PIK3C2G: variants seen among roughly 807,000 people sequenced by gnomAD.
PIK3C2G encodes phosphatidylinositol-4-phosphate 3-kinase catalytic subunit type 2 gamma.
Under a neutral mutation model 181.1 loss-of-function variants are expected in PIK3C2G, and 168 were observed. The ratio of observed to expected loss-of-function variants is 0.93; its 90% confidence interval spans 0.82 to 1.05. The LOEUF (loss-of-function observed/expected upper bound fraction) is 1.05, where lower values mean the gene tolerates loss of function less well. Among genes scored for constraint, PIK3C2G ranks in the 50% least tolerant of loss-of-function variants. PIK3C2G has a pLI of 0.00. For missense variants in PIK3C2G, 1,869 were observed against 1,732.8 expected (o/e 1.08, Z -1.40); for synonymous variants, 573 against 592.2 (o/e 0.97, Z 0.47).
intron 32 of PIK3C2G, among the ~76,000 whole-genome samples, chr12:18,644,315 G>T (rs1354533094): frequency 6.6e-6 from 1 of 152,016 alleles, no homozygotes; most frequent in Non-Finnish European, 1.5e-5. Context: ...GGGATTCCGG[G>T]CTCCAAAGCC....
intron 5 of PIK3C2G, among the ~76,000 whole-genome samples, chr12:18,299,480 T>A (rs1950085178): frequency 6.6e-6 from 1 of 151,982 alleles, no homozygotes; most frequent in African/African-American, 2.4e-5. Context: ...GATCCTGTCA[T>A]CTGCAAAGAG....
chr12:18,660,352 A>T, the PIK3C2G span, among the ~76,000 whole-genome samples: 1 of 152,140 alleles, frequency 6.6e-6, no homozygotes, highest in East Asian at 1.9e-4. Context: ...AAAGGCAGAG[A>T]CACAGACAAA....
the PIK3C2G span, among the ~76,000 whole-genome samples, chr12:18,702,818 CTTTT>C: frequency 8.6e-6 from 1 of 116,590 alleles, no homozygotes; most frequent in African/African-American, 3.4e-5. Flanking sequence ...GATAAAGTAA[CTTTT>C]TTTTTTTTTT....
chr12:18,700,254 G>A, the PIK3C2G span, among the ~76,000 whole-genome samples: 442 of 151,670 alleles, frequency 2.9e-3, 2 homozygotes, highest in Middle Eastern at 0.01. Flanking sequence ...ATAATTTTAG[G>A]AATTTTTGTC....
intron 13 of PIK3C2G, among the ~76,000 whole-genome samples, chr12:18,373,534 C>T (rs1481738847): frequency 6.6e-6 from 1 of 152,084 alleles, no homozygotes; most frequent in East Asian, 1.9e-4. Context: ...TTCAAGCATG[C>T]AAACTTGTCT....
Position 18,297,508 on chromosome 12 carries a change from A to G in PIK3C2G, c.1034+3493A>G, listed in dbSNP as rs573677648. Among the ~76,000 whole-genome samples the G allele has an allele frequency of 9.2e-5, 14 of 152,194 alleles. No individual in the cohort carries two copies. The South Asian group carries it at 1.4e-3, about 16-fold the overall frequency. ...AGGATATTTAGAATATCCACCACCT[A>G]GAACATTTGTCATTTCTTTGTAGTA... On this transcript the variant is annotated intron_variant, in intron 5 of 32. Transcript: ENST00000538779.
At chr12:18,503,191 AG>A (rs762375986) in intron 22 of PIK3C2G, 89 bp from the exon 23 acceptor site, 702 of 866,600 alleles carry the variant, frequency 8.1e-4, no homozygotes, top group Non-Finnish European at 1.1e-3. Context: ...GTAATCCAGT[AG>A]TGCTGGAAGC....
chr12:18,625,668 A>G (rs550509710), intron 31 of PIK3C2G, among the ~76,000 whole-genome samples: 80 of 151,886 alleles, frequency 5.3e-4, no homozygotes, highest in African/African-American at 1.9e-3. Flanking sequence ...TCCCTTCAGA[A>G]ACTTTAATAT....
chr12:18,403,020 A>G (rs1944336849), intron 16 of PIK3C2G, among the ~76,000 whole-genome samples: 1 of 152,200 alleles, frequency 6.6e-6, no homozygotes, highest in Non-Finnish European at 1.5e-5. Flanking sequence ...CCAGGCATTC[A>G]TGAGAGCTTA....
chr12:18,319,381 A>C (rs559034998), intron 6 of PIK3C2G, among the ~76,000 whole-genome samples: 1 of 152,234 alleles, frequency 6.6e-6, no homozygotes, highest in African/African-American at 2.4e-5. Context: ...GTATGGCCTC[A>C]GCTTTAAGGA....
chr12:18,570,780 C>T (rs1182384996), intron 29 of PIK3C2G, among the ~76,000 whole-genome samples: 1 of 150,556 alleles, frequency 6.6e-6, no homozygotes. Context: ...TTATATCTAT[C>T]TGACCCATAG....
At chr12:18,507,167 C>T (rs1236462890) in intron 24 of PIK3C2G, among the ~76,000 whole-genome samples, 1 of 151,902 alleles carries the variant, frequency 6.6e-6, no homozygotes, top group Non-Finnish European at 1.5e-5. Flanking sequence ...GTAGCTGGGA[C>T]TACAGGAGTG....
chr12:18,529,077 T>C (rs1393909595), intron 24 of PIK3C2G, among the ~76,000 whole-genome samples: 2 of 146,874 alleles, frequency 1.4e-5, no homozygotes, highest in Non-Finnish European at 3.0e-5. Context: ...ATATTCCCAT[T>C]TCTCGATAAT....
the PIK3C2G span, among the ~76,000 whole-genome samples, chr12:18,722,158 G>C: frequency 6.6e-6 from 1 of 151,606 alleles, no homozygotes; most frequent in African/African-American, 2.4e-5. Flanking sequence ...TCTCAGAGAG[G>C]GTTCTTCTGA....
the PIK3C2G span, among the ~76,000 whole-genome samples, chr12:18,725,323 T>C: frequency 1.3e-5 from 2 of 152,028 alleles, no homozygotes; most frequent in Non-Finnish European, 2.9e-5. Flanking sequence ...AAGGTGCAAT[T>C]TGAGTGCTGA....
At chr12:18,472,628 G>A (rs1015084783) in intron 18 of PIK3C2G, among the ~76,000 whole-genome samples, 2 of 152,078 alleles carry the variant, frequency 1.3e-5, no homozygotes, top group Non-Finnish European at 2.9e-5. Flanking sequence ...CTGAACTACA[G>A]CAAATAATTT....
intron 26 of PIK3C2G, among the ~76,000 whole-genome samples, chr12:18,548,902 C>T (rs1287050053): frequency 6.6e-6 from 1 of 151,988 alleles, no homozygotes; most frequent in Admixed American, 6.6e-5. Flanking sequence ...ACTACCCGCC[C>T]CCTGTCTCCA....
chr12:18,552,038 T>C (rs78463425), intron 26 of PIK3C2G, among the ~76,000 whole-genome samples: 1 of 152,092 alleles, frequency 6.6e-6, no homozygotes, highest in African/African-American at 2.4e-5. Context: ...TCTGTGAACT[T>C]TGAGCTGTGA....
intron 18 of PIK3C2G, among the ~76,000 whole-genome samples, chr12:18,446,462 T>C (rs916647702): frequency 5.3e-5 from 8 of 152,182 alleles, no homozygotes; most frequent in African/African-American, 1.9e-4. Context: ...TCATGGCCGC[T>C]GACTCATTCC....
Sources: gnomAD v4.1 joint callset for allele counts (sites outside exome capture counted in the v4.1 genomes callset) on GRCh38, gnomAD v4.1.1 for gene constraint, MANE v1.5 for transcripts, NCBI Gene and HGNC (gene_info 2026-07-23, HGNC 2026-07-21) for gene names.